The following REEP2 variants were observed in gnomAD, a reference collection of about 807,000 sequenced individuals.
The protein encoded by REEP2 is receptor accessory protein 2, also known as receptor expression-enhancing protein 2.
A neutral mutation model predicts 32.1 loss-of-function variants in REEP2; 9 were observed. That is an observed-to-expected ratio of 0.28 (90% CI 0.17 to 0.49). REEP2 has a LOEUF of 0.49. Ranked by LOEUF, REEP2 falls within the 20% of genes least tolerant of loss-of-function variation. REEP2 has a pLI of 0.99. For missense variants in REEP2, 236 were observed against 338.0 expected, an observed-to-expected ratio of 0.70 and a Z score of 2.37; for synonymous variants, 128 against 139.1, an observed-to-expected ratio of 0.92 and a Z score of 0.56.
intron 3 of REEP2, 63 bp from the exon 4 acceptor site, chr5:138,444,352 G>A: frequency 6.3e-7 from 1 of 1,581,090 alleles, no homozygotes; most frequent in Non-Finnish European, 8.6e-7. Context: ...GGCCGGTGCT[G>A]CTGGACACAG....
At chr5:138,440,850 G>A (rs2127021663) in intron 1 of REEP2, 166 bp from the exon 2 acceptor site, 1 of 1,333,850 alleles carries the variant, frequency 7.5e-7, no homozygotes, top group East Asian at 2.5e-5. Context: ...CTACCTGGCT[G>A]GGCATGTTCC....
At chr5:138,442,066 C>T (rs933713343) in intron 3 of REEP2, among the ~76,000 whole-genome samples, 3 of 152,192 alleles carry the variant, frequency 2.0e-5, no homozygotes, top group African/African-American at 7.2e-5. Context: ...TCACAGCTCT[C>T]GAGGCCTCAG....
At chr5:138,439,943 A>C in intron 1 of REEP2, 3 of 355,184 alleles carry the variant, frequency 8.4e-6, no homozygotes, top group Non-Finnish European at 1.7e-5. Context: ...TGTCTCTGGC[A>C]CCTCCCCGGG....
Position 138,441,146 on chromosome 5 carries a change from A to C in REEP2, c.105+58A>C, listed in dbSNP as rs2127021902. On this transcript the variant is annotated intron_variant, in intron 2 of 7. Transcript: ENST00000378339. The surrounding 1 kb of genome is among the most constrained non-coding windows in gnomAD (Gnocchi z 4.4). ...CCACATGGCACAGAGAGGGGAGGGCACTGGGTCCTATTACAGATGGGGGTG... is the reference window on the plus strand; with the variant it reads ...CCACATGGCACAGAGAGGGGAGGGCCCTGGGTCCTATTACAGATGGGGGTG... 9 of 1,602,494 alleles carry C rather than the reference A, an allele frequency of 5.6e-6. No individual in the cohort carries two copies. In the South Asian group the frequency reaches 9.9e-5, roughly 18 times the overall value.
At position 138,439,108 on chromosome 5, in the gene REEP2, G is replaced by GCTA; in HGVS notation, c.-98_-96dup. The GCTA allele has an allele frequency of 5.3e-6, 3 of 570,512 alleles. No individual in the cohort carries two copies. Among genetic ancestry groups the GCTA allele is most frequent in the Non-Finnish European group, 7.3e-6 (3 of 412,892 alleles). The allele number at this position is 570,512 out of a possible 1,614,324, so 35.3% of individuals were successfully genotyped here. A position where few individuals can be genotyped will look rare whatever the true frequency, so the allele number is the denominator to read the frequency against. ...GGCGGCTGCTGCAGCGGCTGCTGCT[G>GCTA]CTACTGCGGCTCCTGCTGCCGCCGC... On this transcript the variant is annotated 5_prime_UTR_variant, in exon 1 of 8. Transcript: ENST00000378339.
chr5:138,441,518 C>T lies in REEP2; in HGVS notation c.182+57C>T, dbSNP rs1029888153. Reference sequence around the variant, plus strand: ...GGCCCAGGGCCTCTGCCTTTCTCTACCCAGCCAGCCAAACAAAAGACTGGG... The same window carrying T: ...GGCCCAGGGCCTCTGCCTTTCTCTATCCAGCCAGCCAAACAAAAGACTGGG... On this transcript the variant is annotated intron_variant, in intron 3 of 7. Coordinates refer to ENST00000378339, the MANE Select transcript of REEP2 (RefSeq NM_001271803.2). The surrounding 1 kb of genome is among the most constrained non-coding windows in gnomAD (Gnocchi z 4.4). The T allele has an allele frequency of 3.9e-5, 58 of 1,472,256 alleles. No individual in the cohort carries two copies. Among genetic ancestry groups the T allele is most frequent in the Middle Eastern group, 1.7e-4 (1 of 5,822 alleles). 91.2% of individuals were successfully genotyped at this position (1,472,256 alleles called of 1,614,324 possible). A position where few individuals can be genotyped will look rare whatever the true frequency, so the allele number is the denominator to read the frequency against.
chr5:138,439,622 G>C (rs775394456), intron 1 of REEP2: 1 of 474,312 alleles, frequency 2.1e-6, no homozygotes, highest in Non-Finnish European at 4.2e-6. Flanking sequence ...TGTCCCTCTG[G>C]GGGAGGTAAC....
chr5:138,445,636 G>A, intron 7 of REEP2, 38 bp downstream of exon 7: 1 of 1,614,160 alleles, frequency 6.2e-7, no homozygotes, highest in South Asian at 1.1e-5. Flanking sequence ...AACAGGCAGG[G>A]GGTGGCGGCT....
rs758673049 is a variant in REEP2, at chr5:138,444,515, A to G, written c.283A>G (p.Thr95Ala). The stretch of plus-strand genomic sequence containing the variant: ...GCTCTACCGCAAGTTCGTGCACCCA[A>G]CGCTGTCCAACAAGGAGAAGGTTTG... ...SVLYRKFVHP[T>A]LSNKEKEIDE... The change falls in exon 4 of 8, where the codon ACG becomes GCG. Residue 95 changes from threonine to alanine, a missense_variant. Coordinates refer to ENST00000378339, the MANE Select transcript of REEP2 (RefSeq NM_001271803.2). 1.2e-6 allele frequency: 2 copies of G among 1,614,072 alleles called. No individual in the cohort carries two copies. The highest frequency in any genetic ancestry group is 1.7e-5 in the Admixed American group (1 of 60,026).
At position 138,445,732 on chromosome 5, in the gene REEP2, G is replaced by T; in HGVS notation, c.746G>T (p.Gly249Val). 1 of 1,614,064 alleles carries T rather than the reference G, an allele frequency of 6.2e-7. No individual in the cohort carries two copies. The highest frequency in any genetic ancestry group is 8.5e-7 in the Non-Finnish European group (1 of 1,180,008). The change falls in exon 8 of 8, where the codon GGC becomes GTC. Residue 249 changes from glycine to valine, a missense_variant. Coordinates refer to ENST00000378339, the MANE Select transcript of REEP2 (RefSeq NM_001271803.2). ...LKTRPKKKTS[G>V]GGDSA ...ACCCGGCCCAAGAAGAAGACCTCTG[G>T]CGGGGGCGACTCAGCTTGAGCCCCT...
At chr5:138,443,503 T>C (rs1238288395) in intron 3 of REEP2, 2 of 147,164 alleles carry the variant, frequency 1.4e-5, no homozygotes, top group Admixed American at 1.4e-4. Context: ...GCAAGGGTGG[T>C]GAGGTGAAAA....
At chr5:138,444,640 A>G (rs1158868570) in intron 4 of REEP2, 105 bp downstream of exon 4, 3 of 1,569,906 alleles carry the variant, frequency 1.9e-6, no homozygotes, top group Non-Finnish European at 2.6e-6. Context: ...CCAGAGCCCA[A>G]AGTGACTTGG....
At chr5:138,444,660 C>A in intron 4 of REEP2, 94 bp from the exon 5 acceptor site, 1 of 1,557,946 alleles carries the variant, frequency 6.4e-7, no homozygotes, top group South Asian at 1.2e-5. Flanking sequence ...GCAGGGCTGC[C>A]GTGGCCTCCC....
intron 3 of REEP2, among the ~76,000 whole-genome samples, chr5:138,443,176 T>A (rs977694976): frequency 2.0e-5 from 3 of 151,292 alleles, no homozygotes. Flanking sequence ...AAAAAAAAAA[T>A]TGGCCAGGTG....
chr5:138,440,612 C>G (rs1763805398), intron 1 of REEP2, among the ~76,000 whole-genome samples: 1 of 152,164 alleles, frequency 6.6e-6, no homozygotes, highest in African/African-American at 2.4e-5. Context: ...CTCGCAGAGC[C>G]TGGCTCTGAG....
Position 138,445,892 on chromosome 5 carries a change from C to A in REEP2, c.*141C>A. 1 of 759,556 alleles carries A rather than the reference C, an allele frequency of 1.3e-6. No homozygotes were observed. Among genetic ancestry groups the A allele is most frequent in the Non-Finnish European group, 2.1e-6 (1 of 468,938 alleles). 47.1% of individuals were successfully genotyped at this position (759,556 alleles called of 1,614,324 possible). A position where few individuals can be genotyped will look rare whatever the true frequency, so the allele number is the denominator to read the frequency against. The stretch of plus-strand genomic sequence containing the variant: ...CAGATGGCCATTTCCGGTGCCTGCC[C>A]AGTGGCCACTCTTCTGGAAGGGGCT... On this transcript the variant is annotated 3_prime_UTR_variant, in exon 8 of 8. Transcript: ENST00000378339.
In REEP2 at chr5:138,441,522, G is replaced by T; in HGVS notation, c.182+61G>T. The T allele has an allele frequency of 1.4e-6, 2 of 1,466,536 alleles. No individual in the cohort carries two copies. Among genetic ancestry groups the T allele is most frequent in the South Asian group, 2.3e-5 (2 of 88,010 alleles). The allele number at this position is 1,466,536 out of a possible 1,614,324, so 90.8% of individuals were successfully genotyped here. ...CAGGGCCTCTGCCTTTCTCTACCCAGCCAGCCAAACAAAAGACTGGGCCTG... is the reference window on the plus strand; with the variant it reads ...CAGGGCCTCTGCCTTTCTCTACCCATCCAGCCAAACAAAAGACTGGGCCTG... On this transcript the variant is annotated intron_variant, in intron 3 of 7. Coordinates refer to ENST00000378339, the MANE Select transcript of REEP2 (RefSeq NM_001271803.2). This position sits in a 1 kb window ranked among gnomAD's most constrained non-coding sequence, Gnocchi z 4.4.
At chr5:138,439,385 T>C in intron 1 of REEP2, 145 bp downstream of exon 1, 4 of 674,624 alleles carry the variant, frequency 5.9e-6, no homozygotes, top group African/African-American at 1.9e-5. Context: ...GACATGGAGA[T>C]GTGGCACCCA....
intron 5 of REEP2, 59 bp from the exon 6 acceptor site, chr5:138,445,169 C>A: frequency 6.6e-7 from 1 of 1,523,578 alleles, no homozygotes; most frequent in South Asian, 1.3e-5. Context: ...ACCATGGTGA[C>A]CTCTATCTCC....
Sources: allele counts gnomAD v4.1 joint callset (sites outside exome capture counted in the v4.1 genomes callset), GRCh38; gene constraint gnomAD v4.1.1; non-coding constraint Gnocchi (gnomAD v3.1); transcripts MANE v1.5; gene names NCBI Gene and HGNC (gene_info 2026-07-23, HGNC 2026-07-21).